Variants in PAPPA observed in about 807,000 individuals in gnomAD.
PAPPA encodes pappalysin-1.
PAPPA carries 60 observed loss-of-function variants against 164.0 expected under a neutral mutation model. That is an observed-to-expected ratio of 0.37 (90% CI 0.30 to 0.45). PAPPA has a LOEUF of 0.45. PAPPA is among the 20% of genes least tolerant of loss of function. PAPPA has a pLI of 1.00. For synonymous variants in PAPPA, 875 were observed against 814.1 expected (o/e 1.07, Z -1.27); for missense variants, 1,782 against 2,087.3 (o/e 0.85, Z 2.85).
chr9:116,379,711 T>TAAAG (rs1846702726), intron 20 of PAPPA, among the ~76,000 whole-genome samples: 1 of 152,244 alleles, frequency 6.6e-6, no homozygotes, highest in South Asian at 2.1e-4. Context: ...GATAGACAAT[T>TAAAG]AAAGAGAGAA....
intron 21 of PAPPA, among the ~76,000 whole-genome samples, chr9:116,396,027 T>A (rs982658119): frequency 2.0e-5 from 3 of 152,194 alleles, no homozygotes; most frequent in Non-Finnish European, 4.4e-5. Context: ...TTTACTCAGC[T>A]CCTATAGTTT....
chr9:116,362,542 A>G (rs752286637), intron 17 of PAPPA, 50 bp from the exon 18 acceptor site: 3 of 1,576,998 alleles, frequency 1.9e-6, no homozygotes, highest in Admixed American at 1.8e-5. Context: ...AGCTTATTCA[A>G]TTGGGGCTGG....
At chr9:116,174,183 C>G (rs1843805459) in intron 1 of PAPPA, among the ~76,000 whole-genome samples, 1 of 152,186 alleles carries the variant, frequency 6.6e-6, no homozygotes, top group Non-Finnish European at 1.5e-5. Flanking sequence ...ACAGTAATCA[C>G]TCGGTAAGCA....
intron 8 of PAPPA, among the ~76,000 whole-genome samples, chr9:116,266,944 A>G (rs961621961): frequency 2.0e-5 from 3 of 152,268 alleles, no homozygotes; most frequent in African/African-American, 7.2e-5. Flanking sequence ...GATAAACATT[A>G]CATGTGGAGA....
intron 5 of PAPPA, among the ~76,000 whole-genome samples, chr9:116,225,379 T>C (rs1412181941): frequency 1.3e-5 from 2 of 152,250 alleles, no homozygotes; most frequent in Non-Finnish European, 2.9e-5. Context: ...ATTTAAAATA[T>C]GTAGAAAATT....
rs1847006969 is a variant in PAPPA at position 116,398,939 on chromosome 9, T to C, written c.*2323T>C. On this transcript the variant is annotated 3_prime_UTR_variant, in exon 22 of 22. Coordinates refer to ENST00000328252, the MANE Select transcript of PAPPA (RefSeq NM_002581.5). ...CAGGCCTCTCTCTTGCCCTGAGTTATCAGCCTGTGTGGTGTTAACTACCTT... is the reference window on the plus strand; with the variant it reads ...CAGGCCTCTCTCTTGCCCTGAGTTACCAGCCTGTGTGGTGTTAACTACCTT... The C allele has an allele frequency of 6.0e-6, 2 of 335,322 alleles. No homozygotes were observed. The highest frequency in any genetic ancestry group is 5.8e-6 in the Non-Finnish European group (1 of 171,886). 20.8% of individuals were successfully genotyped at this position (335,322 alleles called of 1,614,324 possible). A position where few individuals can be genotyped will look rare whatever the true frequency, so the allele number is the denominator to read the frequency against.
At chr9:116,295,910 T>C (rs188808400) in intron 9 of PAPPA, among the ~76,000 whole-genome samples, 2 of 152,294 alleles carry the variant, frequency 1.3e-5, no homozygotes, top group East Asian at 1.9e-4. Flanking sequence ...AAGAAGCAGA[T>C]GTTAGTATAT....
intron 5 of PAPPA, among the ~76,000 whole-genome samples, chr9:116,224,974 G>A (rs1844488413): frequency 6.6e-6 from 1 of 152,202 alleles, no homozygotes; most frequent in Non-Finnish European, 1.5e-5. Context: ...ATTCCTAGAT[G>A]TGTAGGACAG....
At chr9:116,301,445 A>C (rs1845578125) in intron 9 of PAPPA, among the ~76,000 whole-genome samples, 2 of 152,238 alleles carry the variant, frequency 1.3e-5, no homozygotes, top group South Asian at 4.1e-4. Context: ...TTTGCCTAGA[A>C]AAGTTGGGAA....
intron 7 of PAPPA, among the ~76,000 whole-genome samples, chr9:116,253,197 C>T (rs901867439): frequency 3.3e-5 from 5 of 152,078 alleles, no homozygotes; most frequent in African/African-American, 9.6e-5. Flanking sequence ...AAGCCTTTCT[C>T]GTTCTTTAAA....
chr9:116,209,171 G>A (rs556948200), intron 3 of PAPPA, among the ~76,000 whole-genome samples: 7 of 152,276 alleles, frequency 4.6e-5, no homozygotes, highest in South Asian at 2.1e-4. Flanking sequence ...AGAAGAGAGC[G>A]TGCAGCTTAG....
chr9:116,278,554 T>C (rs1845229207), intron 9 of PAPPA, among the ~76,000 whole-genome samples: 1 of 152,218 alleles, frequency 6.6e-6, no homozygotes, highest in African/African-American at 2.4e-5. Flanking sequence ...CTAGAAATGT[T>C]CCATGGCATA....
At chr9:116,303,380 A>C (rs1845603915) in intron 10 of PAPPA, among the ~76,000 whole-genome samples, 2 of 151,852 alleles carry the variant, frequency 1.3e-5, no homozygotes. Flanking sequence ...CTATTTTTCG[A>C]CTCATCCTTA....
At chr9:116,178,790 G>T (rs772648052) in intron 1 of PAPPA, among the ~76,000 whole-genome samples, 1 of 152,206 alleles carries the variant, frequency 6.6e-6, no homozygotes, top group Non-Finnish European at 1.5e-5. Flanking sequence ...TACTGGGAAA[G>T]GAGCCCTGAC....
At chr9:116,167,154 G>T (rs1387192499) in intron 1 of PAPPA, among the ~76,000 whole-genome samples, 4 of 152,146 alleles carry the variant, frequency 2.6e-5, no homozygotes, top group Non-Finnish European at 5.9e-5. Flanking sequence ...ATATACAGTT[G>T]TCCCTCAGTG....
chr9:116,330,515 T>C (rs946247497), intron 10 of PAPPA, among the ~76,000 whole-genome samples: 1 of 152,130 alleles, frequency 6.6e-6, no homozygotes, highest in African/African-American at 2.4e-5. Flanking sequence ...ACCCCTAAGT[T>C]TGAAGAATCC....
At chr9:116,203,209 T>C (rs1205115660) in intron 2 of PAPPA, among the ~76,000 whole-genome samples, 1 of 152,242 alleles carries the variant, frequency 6.6e-6, no homozygotes, top group African/African-American at 2.4e-5. Flanking sequence ...ACAAGTGACA[T>C]GTACACAGGT....
rs1453078275 is a variant in PAPPA at position 116,353,789 on chromosome 9, C to T, written c.4343C>T (p.Ser1448Phe). The T allele has an allele frequency of 6.2e-7, 1 of 1,610,754 alleles. No individual in the cohort carries two copies. The change falls in exon 17 of 22, where the codon TCC (serine) becomes TTC (phenylalanine). Residue 1448 changes from serine to phenylalanine, a missense_variant. By Grantham distance (155) the Ser-to-Phe change is radical. Around this residue, in one of 2 missense-constraint regions of PAPPA, gnomAD observed 1,324 missense variants for 1,656.9 expected, o/e 0.80. Coordinates refer to ENST00000328252, the MANE Select transcript of PAPPA (RefSeq NM_002581.5). ...ATCAAGTGTGAAGACAGTGATGCCT[C>T]CCAGGTAAGCCTCCTGGAACTTGAG... is the stretch of plus-strand genomic sequence containing the variant. Reference protein sequence around the residue: ...CRIKCEDSDASQGLGSNVIHC... With the variant: ...CRIKCEDSDAFQGLGSNVIHC...
At chr9:116,306,304 A>G (rs1378866163) in intron 10 of PAPPA, among the ~76,000 whole-genome samples, 4 of 152,218 alleles carry the variant, frequency 2.6e-5, no homozygotes, top group Non-Finnish European at 5.9e-5. Flanking sequence ...TGACTACTGC[A>G]AAGAAACAAC....
Sources: allele counts gnomAD v4.1 joint callset (sites outside exome capture counted in the v4.1 genomes callset), GRCh38; gene constraint gnomAD v4.1.1; regional missense constraint gnomAD v4.1.1; transcripts MANE v1.5; gene names NCBI Gene and HGNC (gene_info 2026-07-23, HGNC 2026-07-21).